Variants in TMEM132D observed in about 807,000 individuals in gnomAD.
The protein encoded by TMEM132D is transmembrane protein 132D, also known as mature OL transmembrane protein.
In TMEM132D, 21 loss-of-function variants were observed where a neutral mutation model predicts 62.3. The observed-to-expected ratio is 0.34, with a 90% CI of 0.24 to 0.49. The LOEUF (loss-of-function observed/expected upper bound fraction) is 0.49. Among genes scored for constraint, TMEM132D ranks in the 20% least tolerant of loss-of-function variants. The pLI is 0.99. For synonymous variants in TMEM132D, 621 were observed against 575.6 expected (o/e 1.08, Z -1.13); for missense variants, 1,346 against 1,402.8 (o/e 0.96, Z 0.65).
At chr12:129,470,112 G>A (rs1874050497) in intron 3 of TMEM132D, among the ~76,000 whole-genome samples, 1 of 152,160 alleles carries the variant, frequency 6.6e-6, no homozygotes. Flanking sequence ...AATCAAGCAG[G>A]GAATCATCTC....
chr12:129,614,117 C>G (rs991327509), intron 2 of TMEM132D, among the ~76,000 whole-genome samples: 3 of 152,104 alleles, frequency 2.0e-5, no homozygotes, highest in African/African-American at 7.2e-5. Context: ...AGGCGACTGT[C>G]TCCAGAACCC....
intron 4 of TMEM132D, among the ~76,000 whole-genome samples, chr12:129,238,072 C>T (rs1223944140): frequency 6.6e-6 from 1 of 152,080 alleles, no homozygotes; most frequent in Non-Finnish European, 1.5e-5. Flanking sequence ...TGATCCTCAC[C>T]ACCATCCCCA....
At chr12:129,447,437 C>T (rs551552946) in intron 3 of TMEM132D, among the ~76,000 whole-genome samples, 1 of 152,248 alleles carries the variant, frequency 6.6e-6, no homozygotes, top group East Asian at 1.9e-4. Context: ...TAAACACAAC[C>T]AATAAGAAAA....
intron 2 of TMEM132D, among the ~76,000 whole-genome samples, chr12:129,585,039 T>C (rs1877985415): frequency 6.6e-6 from 1 of 152,134 alleles, no homozygotes; most frequent in South Asian, 2.1e-4. Flanking sequence ...CACTGAGGTA[T>C]GGATTTGAGA....
At chr12:129,103,165 G>T (rs1488241566) in intron 5 of TMEM132D, among the ~76,000 whole-genome samples, 2 of 152,138 alleles carry the variant, frequency 1.3e-5, no homozygotes, top group Non-Finnish European at 2.9e-5. Context: ...GAAATTAGAA[G>T]GAGGCCTCCA....
chr12:129,639,382 T>TAAAAAAAAA (rs34476667), intron 2 of TMEM132D, among the ~76,000 whole-genome samples: 1 of 90,470 alleles, frequency 1.1e-5, no homozygotes, highest in Non-Finnish European at 2.1e-5. Context: ...GACTCTGTCT[T>TAAAAAAAAA]AAAAAAAAAA....
intron 2 of TMEM132D, among the ~76,000 whole-genome samples, chr12:129,623,714 CATAT>C (rs1036477808): frequency 6.9e-6 from 1 of 144,870 alleles, no homozygotes; most frequent in African/African-American, 2.6e-5. Flanking sequence ...CATACATATG[CATAT>C]ATATACATAC....
intron 2 of TMEM132D, among the ~76,000 whole-genome samples, chr12:129,558,559 A>G (rs1336945661): frequency 6.6e-6 from 1 of 152,190 alleles, no homozygotes; most frequent in Non-Finnish European, 1.5e-5. Context: ...GCCACAGGAC[A>G]CAGTGACTTT....
chr12:129,819,022 G>A (rs956717502), intron 1 of TMEM132D, among the ~76,000 whole-genome samples: 1 of 151,564 alleles, frequency 6.6e-6, no homozygotes, highest in Non-Finnish European at 1.5e-5. Flanking sequence ...GTGACAGAGT[G>A]AGACTCTGTC....
At chr12:129,227,405 G>A (rs923794194) in intron 4 of TMEM132D, among the ~76,000 whole-genome samples, 6 of 146,868 alleles carry the variant, frequency 4.1e-5, no homozygotes, top group Non-Finnish European at 7.5e-5. Context: ...GTTAGGAGAG[G>A]GGTTTGGATT....
intron 1 of TMEM132D, among the ~76,000 whole-genome samples, chr12:129,818,114 A>G (rs1187581646): frequency 8.4e-6 from 1 of 119,336 alleles, no homozygotes; most frequent in Non-Finnish European, 1.7e-5. Flanking sequence ...ATGTATGTGT[A>G]TCTGTATGTG....
intron 3 of TMEM132D, among the ~76,000 whole-genome samples, chr12:129,455,211 T>C (rs537739518): frequency 2.0e-5 from 3 of 152,312 alleles, no homozygotes; most frequent in East Asian, 3.9e-4. Flanking sequence ...ACTCAGAGCA[T>C]TGAGACAAGA....
intron 3 of TMEM132D, among the ~76,000 whole-genome samples, chr12:129,444,828 T>C (rs1241816848): frequency 6.6e-6 from 1 of 152,150 alleles, no homozygotes; most frequent in African/African-American, 2.4e-5. Flanking sequence ...AGTCAAAAAT[T>C]AACAGATGCT....
At chr12:129,655,915 C>T (rs1880060148) in intron 2 of TMEM132D, among the ~76,000 whole-genome samples, 1 of 152,162 alleles carries the variant, frequency 6.6e-6, no homozygotes, top group Non-Finnish European at 1.5e-5. Context: ...AGACAAAAAA[C>T]TGGCCATGGA....
chr12:129,865,931 C>T (rs1212806457), intron 1 of TMEM132D, among the ~76,000 whole-genome samples: 1 of 152,144 alleles, frequency 6.6e-6, no homozygotes, highest in Non-Finnish European at 1.5e-5. Flanking sequence ...GACTCTCTTG[C>T]AGTGCTATAG....
At position 129,073,868 on chromosome 12, in the gene TMEM132D, G is replaced by A. The variant is rs527388696; in HGVS notation, c.*7C>T. 4 of 1,524,902 alleles carry A rather than the reference G, an allele frequency of 2.6e-6. No individual in the cohort carries two copies. In the African/African-American group the frequency reaches 4.2e-5, roughly 16 times the overall value. 94.5% of individuals were successfully genotyped at this position (1,524,902 alleles called of 1,614,324 possible). A position where few individuals can be genotyped will look rare whatever the true frequency, so the allele number is the denominator to read the frequency against. ...TGAGTGAGAACCAATGTCTGTGTGTGTCTGGCTTACACATTTTCATGTAAC... is the reference window on the plus strand; with the variant it reads ...TGAGTGAGAACCAATGTCTGTGTGTATCTGGCTTACACATTTTCATGTAAC... On this transcript the variant is annotated 3_prime_UTR_variant, in exon 9 of 9. Transcript: ENST00000422113.
chr12:129,331,534 A>T (rs1317334330), intron 4 of TMEM132D, among the ~76,000 whole-genome samples: 1 of 152,116 alleles, frequency 6.6e-6, no homozygotes, highest in Non-Finnish European at 1.5e-5. Context: ...TGGTCAAGAG[A>T]CCCGCCTGGG....
chr12:129,319,409 T>C (rs899886390), intron 4 of TMEM132D, among the ~76,000 whole-genome samples: 14 of 151,952 alleles, frequency 9.2e-5, no homozygotes, highest in African/African-American at 3.4e-4. Context: ...GAGAGGAGGG[T>C]CTCCCTTTCC....
intron 1 of TMEM132D, among the ~76,000 whole-genome samples, chr12:129,750,288 G>T (rs1869957707): frequency 2.0e-5 from 3 of 152,196 alleles, no homozygotes; most frequent in South Asian, 2.1e-4. Context: ...GTTTCACTGT[G>T]TTAGCCAGGA....
Sources: allele counts gnomAD v4.1 joint callset (sites outside exome capture counted in the v4.1 genomes callset), GRCh38; gene constraint gnomAD v4.1.1; transcripts MANE v1.5; gene names NCBI Gene and HGNC (gene_info 2026-07-23, HGNC 2026-07-21).